Variants in GALNTL6 observed in about 807,000 individuals in gnomAD.
GALNTL6 encodes the protein polypeptide N-acetylgalactosaminyltransferase-like 6.
GALNTL6 carries 46 observed loss-of-function variants against 73.7 expected under a neutral mutation model. The observed-to-expected ratio is 0.62, with a 90% confidence interval of 0.49 to 0.80. The LOEUF (loss-of-function observed/expected upper bound fraction) is 0.80. Among genes scored for constraint, GALNTL6 ranks in the 30% least tolerant of loss-of-function variants. The probability of loss-of-function intolerance (pLI) is 0.00; values close to 1 mark genes in which losing one functional copy is unlikely to be tolerated. For synonymous variants in GALNTL6, 259 were observed against 263.7 expected, an observed-to-expected ratio of 0.98 and a Z score of 0.17; for missense variants, 604 against 755.0, an observed-to-expected ratio of 0.80 and a Z score of 2.34.
chr4:172,075,560 C>A (rs1731677330), intron 2 of GALNTL6, among the ~76,000 whole-genome samples: 1 of 152,162 alleles, frequency 6.6e-6, no homozygotes, highest in Middle Eastern at 3.2e-3. Context: ...TGGTCTCGAT[C>A]TCCTGACCTC....
At chr4:172,240,376 A>C (rs1161807269) in intron 3 of GALNTL6, among the ~76,000 whole-genome samples, 2 of 150,132 alleles carry the variant, frequency 1.3e-5, no homozygotes, top group South Asian at 2.1e-4. Flanking sequence ...GGCACTCACC[A>C]TCATGCCCGG....
intron 5 of GALNTL6, among the ~76,000 whole-genome samples, chr4:172,604,581 AC>A (rs1738189954): frequency 6.6e-6 from 1 of 152,230 alleles, no homozygotes; most frequent in Non-Finnish European, 1.5e-5. Flanking sequence ...AATGATAACA[AC>A]TAGATTTTAA....
chr4:172,044,470 T>C (rs1467042308), intron 2 of GALNTL6, among the ~76,000 whole-genome samples: 1 of 151,758 alleles, frequency 6.6e-6, no homozygotes, highest in African/African-American at 2.4e-5. Context: ...CCCGAGAATG[T>C]CAATTTTATC....
At chr4:172,021,355 CAT>C (rs756411760) in intron 2 of GALNTL6, among the ~76,000 whole-genome samples, 4 of 151,848 alleles carry the variant, frequency 2.6e-5, no homozygotes, top group Non-Finnish European at 5.9e-5. Context: ...CTTGTTTGCA[CAT>C]GATACAATCT....
intron 2 of GALNTL6, among the ~76,000 whole-genome samples, chr4:172,200,272 T>C (rs1015198484): frequency 2.0e-5 from 3 of 152,184 alleles, no homozygotes; most frequent in African/African-American, 7.2e-5. Context: ...AATTTTTCCC[T>C]TGTTAAAATA....
At chr4:172,219,517 T>A (rs1041822841) in intron 2 of GALNTL6, among the ~76,000 whole-genome samples, 2 of 151,812 alleles carry the variant, frequency 1.3e-5, no homozygotes, top group African/African-American at 2.4e-5. Context: ...ATAATCGAAG[T>A]TGTTTTCCCG....
chr4:172,609,083 A>G (rs1343600616), intron 5 of GALNTL6, among the ~76,000 whole-genome samples: 3 of 152,156 alleles, frequency 2.0e-5, no homozygotes, highest in African/African-American at 7.2e-5. Flanking sequence ...TCATCTGCAA[A>G]CAAATAGTTT....
intron 10 of GALNTL6, among the ~76,000 whole-genome samples, chr4:172,971,811 A>C (rs1448524700): frequency 1.3e-5 from 2 of 152,200 alleles, no homozygotes; most frequent in Non-Finnish European, 2.9e-5. Flanking sequence ...ATATGGGAAA[A>C]GACCTTCTAG....
chr4:172,043,538 T>C (rs772070809), intron 2 of GALNTL6, among the ~76,000 whole-genome samples: 1 of 152,126 alleles, frequency 6.6e-6, no homozygotes, highest in African/African-American at 2.4e-5. Context: ...GAATACATAA[T>C]GATATATAAC....
At chr4:172,596,680 C>T (rs2111013232) in intron 5 of GALNTL6, among the ~76,000 whole-genome samples, 1 of 152,242 alleles carries the variant, frequency 6.6e-6, no homozygotes, top group African/African-American at 2.4e-5. Flanking sequence ...CTAAATTTCA[C>T]TCTATAAAAC....
At chr4:172,567,331 A>G (rs1040620574) in intron 5 of GALNTL6, among the ~76,000 whole-genome samples, 1 of 152,126 alleles carries the variant, frequency 6.6e-6, no homozygotes, top group East Asian at 1.9e-4. Flanking sequence ...CCATGAAATA[A>G]TATCACTAAA....
intron 5 of GALNTL6, among the ~76,000 whole-genome samples, chr4:172,363,136 G>A (rs902488823): frequency 6.6e-5 from 10 of 152,048 alleles, no homozygotes; most frequent in African/African-American, 1.9e-4. Flanking sequence ...AGTCCATATG[G>A]CAGGTTTTGT....
At chr4:172,968,699 T>TAGA (rs903927385) in intron 10 of GALNTL6, among the ~76,000 whole-genome samples, 39 of 152,256 alleles carry the variant, frequency 2.6e-4, no homozygotes, top group Middle Eastern at 3.4e-3. Context: ...TTTAGAACTC[T>TAGA]AGACAACACA....
At chr4:172,272,921 G>C (rs1738703953) in intron 3 of GALNTL6, among the ~76,000 whole-genome samples, 1 of 151,900 alleles carries the variant, frequency 6.6e-6, no homozygotes, top group Admixed American at 6.6e-5. Flanking sequence ...AAAGAGAAGG[G>C]AAGAAGAGAG....
chr4:172,981,559 T>A (rs944495324), intron 10 of GALNTL6, among the ~76,000 whole-genome samples: 9 of 152,226 alleles, frequency 5.9e-5, no homozygotes, highest in Non-Finnish European at 1.3e-4. Flanking sequence ...GGTCTATATG[T>A]CTGTCTTTAT....
chr4:172,220,861 C>T (rs1736648139), intron 2 of GALNTL6, among the ~76,000 whole-genome samples: 1 of 151,782 alleles, frequency 6.6e-6, no homozygotes, highest in Non-Finnish European at 1.5e-5. Context: ...GTCTTATCTA[C>T]ATTTGTGCAC....
At chr4:172,271,626 ATATT>A (rs530991899) in intron 3 of GALNTL6, among the ~76,000 whole-genome samples, 22 of 152,108 alleles carry the variant, frequency 1.4e-4, no homozygotes, top group Non-Finnish European at 2.8e-4. Context: ...CTATATGTGT[ATATT>A]TATTCATTTA....
At position 171,968,252 on chromosome 4, in the gene GALNTL6, C is replaced by T. The variant is rs1437255602; in HGVS notation, c.138+153534C>T. ...AATGATCACACACTGGGTGACTTCA[C>T]ACAACAGAAGTGTATTTTCTCCTAA... On this transcript the variant is annotated intron_variant, in intron 2 of 12. Transcript: ENST00000506823. Among the ~76,000 whole-genome samples the T allele has an allele frequency of 2.6e-5, 4 of 152,092 alleles. No individual in the cohort carries two copies. In the East Asian group the frequency reaches 7.7e-4, roughly 29 times the overall value.
intron 5 of GALNTL6, among the ~76,000 whole-genome samples, chr4:172,541,222 C>T (rs1325147121): frequency 1.3e-5 from 2 of 152,140 alleles, no homozygotes; most frequent in African/African-American, 2.4e-5. Flanking sequence ...TAAACCTGGC[C>T]TTGCATAGCC....
Sources: gnomAD v4.1 joint callset for allele counts (sites outside exome capture counted in the v4.1 genomes callset) on GRCh38, gnomAD v4.1.1 for gene constraint, MANE v1.5 for transcripts, NCBI Gene and HGNC (gene_info 2026-07-23, HGNC 2026-07-21) for gene names.